TPO: variants seen among roughly 807,000 people sequenced by gnomAD.
TPO encodes thyroid microsomal antigen.
TPO carries 78 observed loss-of-function variants against 96.9 expected under a neutral mutation model. The ratio of observed to expected loss-of-function variants is 0.81; its 90% confidence interval spans 0.67 to 0.97. The LOEUF (loss-of-function observed/expected upper bound fraction) is 0.97. TPO is among the 50% of genes least tolerant of loss of function. The pLI is 0.00. For synonymous variants in TPO, 547 were observed against 538.0 expected, an observed-to-expected ratio of 1.02 and a Z score of -0.23; for missense variants, 1,252 against 1,274.8, an observed-to-expected ratio of 0.98 and a Z score of 0.27.
At chr2:1,421,219 T>C (rs1280246514) in intron 2 of TPO, among the ~76,000 whole-genome samples, 3 of 152,122 alleles carry the variant, frequency 2.0e-5, no homozygotes, top group African/African-American at 7.2e-5. Flanking sequence ...TGCCAGGCCC[T>C]GGACCAAAAG....
At chr2:1,527,164 A>C (rs1257826469) in intron 15 of TPO, among the ~76,000 whole-genome samples, 2 of 77,836 alleles carry the variant, frequency 2.6e-5, no homozygotes, top group Non-Finnish European at 4.6e-5. Flanking sequence ...ACTCTGTGCA[A>C]CCTCCCCTAT....
intron 7 of TPO, among the ~76,000 whole-genome samples, chr2:1,471,345 A>C (rs1669387774): frequency 6.6e-6 from 1 of 151,688 alleles, no homozygotes; most frequent in Non-Finnish European, 1.5e-5. Context: ...CATCTACTTC[A>C]CATTTCTCAC....
intron 15 of TPO, among the ~76,000 whole-genome samples, chr2:1,530,053 C>T (rs1677714661): frequency 6.8e-6 from 1 of 146,928 alleles, no homozygotes; most frequent in African/African-American, 2.6e-5. Context: ...CTGCAACCTC[C>T]CCAAGTCTCC....
intron 3 of TPO, among the ~76,000 whole-genome samples, chr2:1,430,295 T>G (rs1664847841): frequency 2.0e-5 from 3 of 152,118 alleles, no homozygotes; most frequent in Admixed American, 2.0e-4. Context: ...AAGCCGTAAG[T>G]GTCTATAGCT....
intron 5 of TPO, among the ~76,000 whole-genome samples, chr2:1,449,170 G>C (rs183758109): frequency 4.5e-4 from 68 of 152,300 alleles, no homozygotes; most frequent in African/African-American, 1.6e-3. Context: ...GAACCCTTAA[G>C]ATCTACCTGG....
At chr2:1,487,448 T>C (rs1183172177) in intron 9 of TPO, among the ~76,000 whole-genome samples, 1 of 152,114 alleles carries the variant, frequency 6.6e-6, no homozygotes, top group Non-Finnish European at 1.5e-5. Flanking sequence ...AAGATTGAGC[T>C]ATTGGGCTGG....
chr2:1,443,605 C>T (rs201595138), intron 5 of TPO, among the ~76,000 whole-genome samples: 1,626 of 132,030 alleles, frequency 0.012, 4 homozygotes, highest in East Asian at 0.025. Context: ...GTCATTGCTG[C>T]AGGAGGTACC....
rs183617211 is a variant in TPO, at chr2:1,455,240, G to A, written c.613-836G>A. ...CCATCTCAAGGCCCTTAATGTAATC[G>A]CATCAGCAGGCTCCAAGGATTAGCG... On this transcript the variant is annotated intron_variant, in intron 6 of 16. Transcript: ENST00000329066. Among the ~76,000 whole-genome samples, 185 of 152,302 alleles carry A rather than the reference G, an allele frequency of 1.2e-3. 1 individual carries two copies. Among genetic ancestry groups the A allele is most frequent in the African/African-American group, 4.0e-3 (166 of 41,568 alleles).
At chr2:1,409,957 G>A (rs1662304130), upstream of TPO, among the ~76,000 whole-genome samples, 1 of 139,732 alleles carries the variant, frequency 7.2e-6, no homozygotes, top group Non-Finnish European at 1.6e-5. Context: ...GCGGTGGGGG[G>A]CAGGTGTGGT....
chr2:1,541,130 A>C, intron 16 of TPO: 1 of 1,186,084 alleles, frequency 8.4e-7, no homozygotes, highest in Non-Finnish European at 1.1e-6. Context: ...TTACCCCCTT[A>C]CCTTGTATGC....
In TPO at chr2:1,467,368, C is replaced by A. The variant is rs147808371; in HGVS notation, c.820-9718C>A. Among the ~76,000 whole-genome samples, 756 of 152,136 alleles carry A rather than the reference C, an allele frequency of 5.0e-3. 12 individuals carry two copies. The highest frequency in any genetic ancestry group is 0.018 in the African/African-American group (733 of 41,496). On this transcript the variant is annotated intron_variant, in intron 7 of 16. Transcript: ENST00000329066. ...GATCCACCAGCTCAGCCTCCCAAAGCGCTGGGATTACAGGCATGAGCCACT... is the reference window on the plus strand; with the variant it reads ...GATCCACCAGCTCAGCCTCCCAAAGAGCTGGGATTACAGGCATGAGCCACT...
At chr2:1,481,240 T>G (rs192754173) in intron 8 of TPO, among the ~76,000 whole-genome samples, 22 of 152,198 alleles carry the variant, frequency 1.4e-4, no homozygotes, top group African/African-American at 4.6e-4. Context: ...GGTGATAACT[T>G]TTGTGTTCTA....
At chr2:1,538,948 C>T (rs1201049319) in intron 15 of TPO, among the ~76,000 whole-genome samples, 2 of 152,128 alleles carry the variant, frequency 1.3e-5, no homozygotes, top group Non-Finnish European at 2.9e-5. Context: ...CCAACCTCTC[C>T]CTCTGTCTTT....
At chr2:1,426,860 CT>C (rs1664465576) in intron 3 of TPO, among the ~76,000 whole-genome samples, 1 of 152,154 alleles carries the variant, frequency 6.6e-6, no homozygotes, top group South Asian at 2.1e-4. Flanking sequence ...AAAAAAATAA[CT>C]TTTCTAAATA....
At chr2:1,441,053 G>C (rs1485164554) in intron 5 of TPO, among the ~76,000 whole-genome samples, 1 of 152,096 alleles carries the variant, frequency 6.6e-6, no homozygotes, top group African/African-American at 2.4e-5. Flanking sequence ...AAGGGAACAG[G>C]GCAGGGTCCT....
intron 1 of TPO, among the ~76,000 whole-genome samples, chr2:1,381,728 A>T (rs147358962): frequency 6.6e-6 from 1 of 152,354 alleles, no homozygotes; most frequent in East Asian, 1.9e-4. Flanking sequence ...TAACATGAAG[A>T]TGTGCTATGG....
intron 9 of TPO, among the ~76,000 whole-genome samples, chr2:1,487,203 C>T (rs1212836207): frequency 2.7e-5 from 3 of 113,092 alleles, no homozygotes; most frequent in Non-Finnish European, 5.4e-5. Flanking sequence ...ATTCAGCAAA[C>T]GCTTCTTTTT....
At position 1,388,796 on chromosome 2, in the gene TPO, C is replaced by T. The variant is rs141655522; in HGVS notation, n.180+14394C>T. On this transcript the variant is annotated intron_variant and non_coding_transcript_variant, in intron 1 of 5. Transcript: ENST00000497517. ...AAATGCAGAAATCACCCATCTTCTG[C>T]GTCGCTCACACTGGGAGCTGTAGAC... 1.7e-3 allele frequency among the ~76,000 whole-genome samples: 253 copies of T among 152,226 alleles called. 1 individual carries two copies. Among genetic ancestry groups the T allele is most frequent in the Admixed American group, 5.4e-3 (82 of 15,284 alleles).
intron 1 of TPO, among the ~76,000 whole-genome samples, chr2:1,384,511 TTG>T (rs1661857454): frequency 6.6e-6 from 1 of 152,184 alleles, no homozygotes; most frequent in Non-Finnish European, 1.5e-5. Flanking sequence ...GGCTCTTTGT[TTG>T]TGTGTTTTTG....
Sources: allele counts gnomAD v4.1 joint callset (sites outside exome capture counted in the v4.1 genomes callset), GRCh38; gene constraint gnomAD v4.1.1; transcripts MANE v1.5; gene names NCBI Gene and HGNC (gene_info 2026-07-23, HGNC 2026-07-21).